SYT7: variants seen among roughly 807,000 people sequenced by gnomAD.
The protein encoded by SYT7 is synaptotagmin-7.
A neutral mutation model predicts 75.1 loss-of-function variants in SYT7; 29 were observed. The ratio of observed to expected loss-of-function variants is 0.39; its 90% CI spans 0.29 to 0.53. The LOEUF (loss-of-function observed/expected upper bound fraction) is 0.53. Among genes scored for constraint, SYT7 ranks in the 20% least tolerant of loss-of-function variants. SYT7 has a pLI of 0.77. For synonymous variants in SYT7, 376 were observed against 401.7 expected (o/e 0.94, Z 0.76); for missense variants, 693 against 953.2 (o/e 0.73, Z 3.59).
intron 1 of SYT7, among the ~76,000 whole-genome samples, chr11:61,568,124 T>C (rs112177639): frequency 0.053 from 8,072 of 152,016 alleles, 436 homozygotes; most frequent in African/African-American, 0.14. Context: ...ACTTTGCCCA[T>C]ACCCGCCCCA....
chr11:61,533,333 G>A, intron 7 of SYT7: 1 of 985,440 alleles, frequency 1.0e-6, no homozygotes, highest in Non-Finnish European at 1.2e-6. Context: ...CTCTACCCCA[G>A]GCGACTGTGG....
intron 6 of SYT7, chr11:61,540,700 T>G (rs1182583547): frequency 2.0e-6 from 2 of 985,350 alleles, no homozygotes; most frequent in East Asian, 2.3e-4. Flanking sequence ...TAATGGCTGC[T>G]GGAACAGGAA....
Position 61,528,099 on chromosome 11 carries a change from G to A in SYT7, c.1287C>T (p.Asn429=). 6.2e-7 allele frequency: 1 copy of A among 1,613,842 alleles called. No homozygotes were observed. The highest frequency in any genetic ancestry group is 1.1e-5 in the South Asian group (1 of 91,082). The change falls in exon 9 of 13, where the codon AAC becomes AAT. Residue 429 remains asparagine (N), a synonymous_variant. Transcript: ENST00000539008. ...LGRIQFSVGY[N]FQESTLTVKI... ...TCACGGTGAGCGTGGACTCCTGGAA[G>A]TTGTAGCCGACACTGAACTGGATCC... is the stretch of plus-strand genomic sequence containing the variant.
chr11:61,528,737 G>A (rs1436399536), intron 8 of SYT7, among the ~76,000 whole-genome samples: 1 of 152,200 alleles, frequency 6.6e-6, no homozygotes, highest in Non-Finnish European at 1.5e-5. Context: ...GTTTTCAGGA[G>A]CAACGTCTGT....
chr11:61,569,686 T>C (rs144274144), intron 1 of SYT7, among the ~76,000 whole-genome samples: 3 of 150,792 alleles, frequency 2.0e-5, no homozygotes, highest in Admixed American at 1.3e-4. Flanking sequence ...GAGAGACAGA[T>C]ACTGGAAGAC....
rs1772376054 is a variant in SYT7 at position 61,576,756 on chromosome 11, G to T, written c.31+4034C>A. Among the ~76,000 whole-genome samples, 1 of 152,072 alleles carries T rather than the reference G, an allele frequency of 6.6e-6. No individual in the cohort carries two copies. Among genetic ancestry groups the T allele is most frequent in the Non-Finnish European group, 1.5e-5 (1 of 68,004 alleles). On this transcript the variant is annotated intron_variant, in intron 1 of 12. Transcript: ENST00000539008. The surrounding 1 kb of genome is among the most constrained non-coding windows in gnomAD (Gnocchi z 4.1). ...ACTCAGGAGGGGCAGGAGGGGGAGG[G>T]AACCATATACGGCTCCTCTGCCTGT...
chr11:61,523,115 A>G lies in SYT7; in HGVS notation c.1916T>C (p.Met639Thr). ...ATTGCGGCTGAGCTTGTCCTTGTCC[A>G]TGACAGTGATGATGATGGTCGTCTC... Reference protein sequence around the residue: ...LRETTIIITVMDKDKLSRNDV... With the variant: ...LRETTIIITVTDKDKLSRNDV... Residue 639 changes from methionine (M) to threonine (T), a missense_variant, in exon 12 of 13, where the codon ATG becomes ACG. Physicochemically the swap from Met to Thr is moderately conservative, Grantham distance 81. This residue lies in a region of SYT7 where 206 missense variants were observed against 360.0 expected (regional missense o/e 0.57). Coordinates refer to ENST00000539008, the MANE Select transcript of SYT7 (RefSeq NM_001365809.2). The surrounding 1 kb of genome is among the most constrained non-coding windows in gnomAD (Gnocchi z 5.0). The G allele has an allele frequency of 6.2e-7, 1 of 1,614,118 alleles. No homozygotes were observed. Among genetic ancestry groups the G allele is most frequent in the Non-Finnish European group, 8.5e-7 (1 of 1,180,016 alleles).
chr11:61,561,851 C>T (rs561712919), intron 1 of SYT7, among the ~76,000 whole-genome samples: 11 of 152,150 alleles, frequency 7.2e-5, no homozygotes, highest in African/African-American at 1.9e-4. Context: ...GTCTGACACA[C>T]GGGGGGTGCT....
Position 61,524,079 on chromosome 11 carries a change from T to TC in SYT7, c.1642-139dup, listed in dbSNP as rs2062433330. 2 of 826,712 alleles carry TC rather than the reference T, an allele frequency of 2.4e-6. No homozygotes were observed. The highest frequency in any genetic ancestry group is 3.9e-6 in the Non-Finnish European group (2 of 513,980). 51.2% of individuals were successfully genotyped at this position (826,712 alleles called of 1,614,324 possible). ...TCTGTCACCTCTGTCTCACTCTGTC[T>TC]CCCCCCATCTGGCAGGTGTGTGTAC... On this transcript the variant is annotated intron_variant, in intron 10 of 12. Transcript: ENST00000539008. This position sits in a 1 kb window ranked among gnomAD's most constrained non-coding sequence, Gnocchi z 4.1.
At chr11:61,555,956 T>G in intron 2 of SYT7, 148 bp downstream of exon 2, 1 of 678,772 alleles carries the variant, frequency 1.5e-6, no homozygotes, top group Non-Finnish European at 2.5e-6. Flanking sequence ...TGAATTTCTA[T>G]GGAAGTGCCC....
intron 1 of SYT7, among the ~76,000 whole-genome samples, chr11:61,575,630 G>A (rs377144202): frequency 1.2e-3 from 177 of 152,328 alleles, no homozygotes; most frequent in African/African-American, 4.2e-3. Context: ...CAGCAGGTGG[G>A]AGGGTGTGGC....
At position 61,524,748 on chromosome 11, in the gene SYT7, G is replaced by A. The variant is rs1357828609; in HGVS notation, c.1472-216C>T. 2.0e-6 allele frequency: 1 copy of A among 505,720 alleles called. No homozygotes were observed. The highest frequency in any genetic ancestry group is 2.0e-5 in the African/African-American group (1 of 50,446). 31.3% of individuals were successfully genotyped at this position (505,720 alleles called of 1,614,324 possible). ...GATTCCCTCAACAATTCTCCAAGGT[G>A]AATGGCATCTCGTCCATCTTACAGA... On this transcript the variant is annotated intron_variant, in intron 9 of 12. Coordinates refer to ENST00000539008, the MANE Select transcript of SYT7 (RefSeq NM_001365809.2). This position sits in a 1 kb window ranked among gnomAD's most constrained non-coding sequence, Gnocchi z 4.1.
intron 8 of SYT7, among the ~76,000 whole-genome samples, chr11:61,532,176 G>A (rs530936994): frequency 6.6e-6 from 1 of 152,320 alleles, no homozygotes; most frequent in East Asian, 1.9e-4. Context: ...AGGAGATGAA[G>A]TGTCCCAGGT....
At chr11:61,568,676 A>G (rs1043899584) in intron 1 of SYT7, among the ~76,000 whole-genome samples, 2 of 152,176 alleles carry the variant, frequency 1.3e-5, no homozygotes, top group Non-Finnish European at 2.9e-5. Flanking sequence ...TCCATGTTCT[A>G]GAGGCCACAC....
intron 1 of SYT7, among the ~76,000 whole-genome samples, chr11:61,565,938 T>C (rs563978373): frequency 1.3e-5 from 2 of 152,316 alleles, no homozygotes; most frequent in South Asian, 4.2e-4. Flanking sequence ...ATGCAGACGG[T>C]TTAGAATTCA....
At chr11:61,521,114 G>A (rs144074340) in intron 12 of SYT7, among the ~76,000 whole-genome samples, 127 of 152,310 alleles carry the variant, frequency 8.3e-4, no homozygotes, top group African/African-American at 2.9e-3. Flanking sequence ...CTCTGGGATT[G>A]CCCCCATGGC....
At position 61,553,646 on chromosome 11, in the gene SYT7, C is replaced by T. The variant is rs2063414580; in HGVS notation, c.136-2183G>A. ...GGACTTGATGTGGAGGGCAGGGGGA[C>T]AACCCAAGTTAACAGGAAACCAGGC... On this transcript the variant is annotated intron_variant, in intron 2 of 12. Coordinates refer to ENST00000539008, the MANE Select transcript of SYT7 (RefSeq NM_001365809.2). The surrounding 1 kb of genome is among the most constrained non-coding windows in gnomAD (Gnocchi z 5.2). 6.6e-6 allele frequency among the ~76,000 whole-genome samples: 1 copy of T among 152,190 alleles called. No homozygotes were observed. Among genetic ancestry groups the T allele is most frequent in the African/African-American group, 2.4e-5 (1 of 41,450 alleles).
intron 1 of SYT7, among the ~76,000 whole-genome samples, chr11:61,572,230 C>T (rs1040448206): frequency 2.0e-5 from 3 of 152,170 alleles, no homozygotes; most frequent in Non-Finnish European, 4.4e-5. Flanking sequence ...GTGAGAGGAT[C>T]CCTCCACCTT....
intron 8 of SYT7, 21 bp from the exon 9 acceptor site, chr11:61,528,206 G>C (rs1224659212): frequency 6.2e-7 from 1 of 1,605,854 alleles, no homozygotes. Flanking sequence ...GGGAGAGGCC[G>C]GCAGGGTTTG....
Sources: gnomAD v4.1 joint callset for allele counts (sites outside exome capture counted in the v4.1 genomes callset) on GRCh38, gnomAD v4.1.1 for gene constraint, gnomAD v4.1.1 regional missense constraint, Gnocchi (gnomAD v3.1) non-coding constraint, MANE v1.5 for transcripts, NCBI Gene and HGNC (gene_info 2026-07-23, HGNC 2026-07-21) for gene names.